Variants in SGK3 observed in about 807,000 individuals in gnomAD.
SGK3 encodes the protein serine/threonine-protein kinase Sgk3.
SGK3 carries 47 observed loss-of-function variants against 68.5 expected under a neutral mutation model. The ratio of observed to expected loss-of-function variants is 0.69; its 90% CI spans 0.54 to 0.87. SGK3 has a LOEUF of 0.87. Ranked by LOEUF, SGK3 falls within the 40% of genes least tolerant of loss-of-function variation. SGK3 has a pLI of 0.00. For missense variants in SGK3, 479 were observed against 575.5 expected (o/e 0.83, Z 1.72); for synonymous variants, 181 against 189.1 (o/e 0.96, Z 0.35).
At chr8:66,722,278 T>G (rs747807883) in intron 1 of SGK3, among the ~76,000 whole-genome samples, 1 of 152,156 alleles carries the variant, frequency 6.6e-6, no homozygotes, top group African/African-American at 2.4e-5. Flanking sequence ...TTTGTTTTTG[T>G]TTTTCTTGTT....
chr8:66,806,203 T>G (rs539080620), intron 4 of SGK3, among the ~76,000 whole-genome samples: 2 of 152,072 alleles, frequency 1.3e-5, no homozygotes, highest in Non-Finnish European at 1.5e-5. Flanking sequence ...TTCTTTTTTT[T>G]CCCCCCTTGG....
intron 5 of SGK3, among the ~76,000 whole-genome samples, chr8:66,819,681 A>G (rs1168498167): frequency 6.6e-6 from 1 of 152,246 alleles, no homozygotes; most frequent in East Asian, 1.9e-4. Context: ...GGTTGCTTCC[A>G]TGTGGTAAGA....
intron 3 of SGK3, among the ~76,000 whole-genome samples, chr8:66,801,657 T>G (rs1807950333): frequency 6.6e-6 from 1 of 151,442 alleles, no homozygotes; most frequent in East Asian, 1.9e-4. Flanking sequence ...CCCTCTCTCT[T>G]TCTCTCTCTC....
At position 66,767,746 on chromosome 8, in the gene SGK3, C is replaced by T. The variant is rs184066138; in HGVS notation, c.-121-25870C>T. 8.3e-6 allele frequency: 13 copies of T among 1,568,526 alleles called. No individual in the cohort carries two copies. In the African/African-American group the frequency reaches 1.6e-4, roughly 20 times the overall value. ...CTCAGTCATCTTTTTGGCAGAAAAG[C>T]TTGGCTGTTTTTGTTTGAGGGGTCC... On this transcript the variant is annotated intron_variant, in intron 1 of 16. Transcript: ENST00000521198.
intron 7 of SGK3, among the ~76,000 whole-genome samples, chr8:66,829,506 G>C (rs1483880937): frequency 6.6e-6 from 1 of 152,196 alleles, no homozygotes; most frequent in Non-Finnish European, 1.5e-5. Context: ...CAGGAATATG[G>C]TTTCCTGAAG....
chr8:66,823,401 T>TTG (rs1554603502), intron 6 of SGK3, among the ~76,000 whole-genome samples: 6 of 151,882 alleles, frequency 4.0e-5, no homozygotes, highest in African/African-American at 1.5e-4. Context: ...TTTTTTTTTT[T>TTG]TTGTTAATTT....
chr8:66,826,242 A>AT (rs1350772244), intron 6 of SGK3, among the ~76,000 whole-genome samples: 2 of 152,180 alleles, frequency 1.3e-5, no homozygotes, highest in Non-Finnish European at 2.9e-5. Context: ...AAGTGCTGGG[A>AT]TTACAGGTGT....
Position 66,859,878 on chromosome 8 carries a change from T to TC in SGK3, c.*300dup. On this transcript the variant is annotated 3_prime_UTR_variant, in exon 17 of 17. Transcript: ENST00000521198. ...ACCTTTTTTGCTATTGACTGTTTTT[T>TC]CCCTCTAAGTTTACACTAACATCTA... is the stretch of plus-strand genomic sequence containing the variant. 1 of 222,162 alleles carries TC rather than the reference T, an allele frequency of 4.5e-6. No individual in the cohort carries two copies. The highest frequency in any genetic ancestry group is 8.9e-6 in the Non-Finnish European group (1 of 112,278). 13.8% of individuals were successfully genotyped at this position (222,162 alleles called of 1,614,324 possible). A position where few individuals can be genotyped will look rare whatever the true frequency, so the allele number is the denominator to read the frequency against.
intron 1 of SGK3, among the ~76,000 whole-genome samples, chr8:66,726,107 T>G (rs1047757497): frequency 1.3e-5 from 2 of 152,194 alleles, no homozygotes; most frequent in Admixed American, 1.3e-4. Flanking sequence ...TTCATCAGGA[T>G]TTTTGTAGTT....
At chr8:66,822,587 T>A in intron 6 of SGK3, 128 bp downstream of exon 6, 1 of 741,184 alleles carries the variant, frequency 1.3e-6, no homozygotes, top group Non-Finnish European at 2.1e-6. Context: ...GTAGAACACA[T>A]AAAAACAAAT....
chr8:66,820,622 AC>A (rs999971528), intron 5 of SGK3, among the ~76,000 whole-genome samples: 2 of 152,224 alleles, frequency 1.3e-5, no homozygotes, highest in African/African-American at 4.8e-5. Flanking sequence ...TTTTCAAGGA[AC>A]TGCCAAACTG....
chr8:66,806,503 C>T (rs916629606), intron 4 of SGK3, among the ~76,000 whole-genome samples: 32 of 152,104 alleles, frequency 2.1e-4, no homozygotes, highest in Non-Finnish European at 4.6e-4. Context: ...CGCAGCGGAA[C>T]ACTTTTTTCC....
intron 1 of SGK3, among the ~76,000 whole-genome samples, chr8:66,723,708 G>A (rs907340664): frequency 3.9e-5 from 6 of 152,016 alleles, no homozygotes; most frequent in African/African-American, 1.4e-4. Flanking sequence ...GCCACCCAAT[G>A]TGCTGGGATT....
In SGK3 at chr8:66,836,144, T is replaced by A. The variant is rs141592827; in HGVS notation, c.741+70T>A. The A allele has an allele frequency of 1.9e-6, 3 of 1,545,834 alleles. No homozygotes were observed. In the African/African-American group the frequency reaches 4.2e-5, roughly 21 times the overall value. On this transcript the variant is annotated intron_variant, in intron 10 of 16. Transcript: ENST00000521198. ...TAGCATAAAGTCAAAGTTTTTCTTG[T>A]AAGTTTTAGAAGGACAGTATAAAAT... is the stretch of plus-strand genomic sequence containing the variant.
chr8:66,724,845 C>T (rs1041161546), intron 1 of SGK3, among the ~76,000 whole-genome samples: 47 of 152,250 alleles, frequency 3.1e-4, no homozygotes, highest in Admixed American at 3.0e-3. Flanking sequence ...TGGTGGCTCA[C>T]GCCTGGGAGG....
chr8:66,743,166 C>T lies in SGK3; in HGVS notation c.-122+30333C>T, dbSNP rs372603173. Among the ~76,000 whole-genome samples, 4 of 152,274 alleles carry T rather than the reference C, an allele frequency of 2.6e-5. No homozygotes were observed. The East Asian group carries it at 7.7e-4, about 29-fold the overall frequency. ...TGTGGGTTGCAACCCATTAGTGACTCATGAAGTCAATTTAGTGGGTTGTTA... is the reference window on the plus strand; with the variant it reads ...TGTGGGTTGCAACCCATTAGTGACTTATGAAGTCAATTTAGTGGGTTGTTA... On this transcript the variant is annotated intron_variant, in intron 1 of 16. Coordinates refer to ENST00000521198, the MANE Select transcript of SGK3 (RefSeq NM_001033578.3).
intron 1 of SGK3, among the ~76,000 whole-genome samples, chr8:66,736,939 A>C (rs1805333848): frequency 6.7e-6 from 1 of 149,154 alleles, no homozygotes; most frequent in Non-Finnish European, 1.5e-5. Context: ...CTTTTTAAAA[A>C]ATTTTTAAAA....
intron 1 of SGK3, among the ~76,000 whole-genome samples, chr8:66,778,504 G>A (rs1225771509): frequency 1.3e-5 from 2 of 152,158 alleles, no homozygotes; most frequent in African/African-American, 2.4e-5. Context: ...CACCGTGTTA[G>A]CCAGGATGGT....
At chr8:66,750,671 A>G (rs1805786323) in intron 1 of SGK3, among the ~76,000 whole-genome samples, 1 of 151,570 alleles carries the variant, frequency 6.6e-6, no homozygotes, top group African/African-American at 2.4e-5. Flanking sequence ...CCTGGGCAAC[A>G]GAGTGAGATT....
Sources: gnomAD v4.1 joint callset for allele counts (sites outside exome capture counted in the v4.1 genomes callset) on GRCh38, gnomAD v4.1.1 for gene constraint, MANE v1.5 for transcripts, NCBI Gene and HGNC (gene_info 2026-07-23, HGNC 2026-07-21) for gene names.